Variants in CFAP92 observed in about 807,000 individuals in gnomAD.
The protein encoded by CFAP92 is uncharacterized protein CFAP92.
CFAP92 carries 86 observed loss-of-function variants against 106.3 expected under a neutral mutation model. That is an observed-to-expected ratio of 0.81 (90% CI 0.68 to 0.97). The LOEUF (loss-of-function observed/expected upper bound fraction) is 0.97, where lower values mean the gene tolerates loss of function less well. Among genes scored for constraint, CFAP92 ranks in the 50% least tolerant of loss-of-function variants. The pLI is 0.00. For synonymous variants in CFAP92, 477 were observed against 506.4 expected (o/e 0.94, Z 0.78); for missense variants, 1,204 against 1,283.8 (o/e 0.94, Z 0.95).
Position 128,923,122 on chromosome 3 carries a change from C to T in CFAP92, c.2752-6851G>A, listed in dbSNP as rs539926235. 4.5e-3 allele frequency among the ~76,000 whole-genome samples: 678 copies of T among 151,996 alleles called. 3 individuals carry two copies. Among genetic ancestry groups the T allele is most frequent in the Non-Finnish European group, 5.4e-3 (366 of 68,012 alleles). On this transcript the variant is annotated intron_variant, in intron 12 of 15. Transcript: ENST00000645291. The stretch of plus-strand genomic sequence containing the variant: ...GCTTCTGTTTCGCTAGATTTACTAA[C>T]GTGGGGTTGAGGGTATGCTTGTGTT...
At position 128,945,590 on chromosome 3, in the gene CFAP92, A is replaced by C. The variant is rs1248653672; in HGVS notation, c.1739T>G (p.Leu580Trp). The C allele has an allele frequency of 3.3e-6, 5 of 1,536,062 alleles. No homozygotes were observed. Among genetic ancestry groups the C allele is most frequent in the Non-Finnish European group, 4.4e-6 (5 of 1,146,908 alleles). The change falls in exon 10 of 16, where the codon TTG (leucine) becomes TGG (tryptophan). Residue 580 changes from leucine (L) to tryptophan (W), a missense_variant. By Grantham distance (61) the Leu-to-Trp change is moderately conservative. Coordinates refer to ENST00000645291, the MANE Select transcript of CFAP92 (RefSeq NM_001394090.1). ...FADLLLGHKYLNLAVPIHSCE... is the reference protein window; with the variant it reads ...FADLLLGHKYWNLAVPIHSCE... ...GCTGTGGATGGGGACGGCCAGATTC[A>C]AGTACTTGTGGCCAAGGAGGAGGTC...
intron 2 of CFAP92, among the ~76,000 whole-genome samples, chr3:128,992,580 T>TTA (rs1398347283): frequency 6.9e-5 from 10 of 144,756 alleles, no homozygotes; most frequent in African/African-American, 2.6e-4. Flanking sequence ...AGAATTATTA[T>TTA]TTTTTTTTTT....
At position 128,988,863 on chromosome 3, in the gene CFAP92, T is replaced by A. The variant is rs767202198; in HGVS notation, c.318A>T (p.Thr106=). ...LIEKYKKHPK[T]DSSVTKMRRF... is the part of the protein sequence containing the mutation. ...GACGCATCTTTGTAACAGAACTGTCTGTTTTAGGGTGTTTCTTATATTTTT... is the reference window on the plus strand; with the variant it reads ...GACGCATCTTTGTAACAGAACTGTCAGTTTTAGGGTGTTTCTTATATTTTT... Residue 106 remains threonine, a synonymous_variant, in exon 3 of 16, where the codon ACA becomes ACT. Transcript: ENST00000645291. 6.2e-7 allele frequency: 1 copy of A among 1,613,866 alleles called. No individual in the cohort carries two copies. The highest frequency in any genetic ancestry group is 2.2e-5 in the East Asian group (1 of 44,882).
At position 128,915,443 on chromosome 3, in the gene CFAP92, T is replaced by C; in HGVS notation, c.3037A>G (p.Arg1013Gly). 1 of 1,536,186 alleles carries C rather than the reference T, an allele frequency of 6.5e-7. No homozygotes were observed. Among genetic ancestry groups the C allele is most frequent in the Non-Finnish European group, 8.7e-7 (1 of 1,146,918 alleles). ...TGAAGACCTGTCACTTGGAATCCCC[T>C]GGCTGTGAGCCAGGCCTGGCGGGAT... ...KKSRQAWLTA[R>G]GFQVTGLQSD... The change falls in exon 14 of 16, where the codon AGG (arginine) becomes GGG (glycine). Residue 1013 changes from arginine (R) to glycine (G), a missense_variant. Coordinates refer to ENST00000645291, the MANE Select transcript of CFAP92 (RefSeq NM_001394090.1).
intron 12 of CFAP92, among the ~76,000 whole-genome samples, chr3:128,920,827 G>T (rs1308574732): frequency 1.3e-5 from 2 of 152,212 alleles, no homozygotes; most frequent in Non-Finnish European, 2.9e-5. Flanking sequence ...TCTGGAATGT[G>T]TCTCGACTTG....
chr3:128,948,133 A>C (rs892075355), intron 9 of CFAP92, among the ~76,000 whole-genome samples: 1 of 152,128 alleles, frequency 6.6e-6, no homozygotes, highest in Non-Finnish European at 1.5e-5. Context: ...AAATATTAGC[A>C]AATAATATAT....
chr3:128,998,178 T>C (rs568351438), upstream of CFAP92, among the ~76,000 whole-genome samples: 3 of 152,356 alleles, frequency 2.0e-5, no homozygotes, highest in Non-Finnish European at 2.9e-5. Flanking sequence ...TAAGAGTTCA[T>C]TGTAAATTCG....
chr3:129,022,830 C>T, the CFAP92 span, among the ~76,000 whole-genome samples: 3 of 152,202 alleles, frequency 2.0e-5, no homozygotes, highest in Non-Finnish European at 4.4e-5. Context: ...CCCAGAAGTG[C>T]GGCAGGCAGG....
rs779933580 is a variant in CFAP92 at position 128,945,192 on chromosome 3, C to T, written c.2137G>A (p.Glu713Lys). ...GTGAGCACATCCAGGTGCTGCTGCT[C>T]CTGGACCCGCACACGCACCTTGAAG... ...SAFKVRVRVQ[E>K]QQHLDVLTGF... is the part of the protein sequence containing the mutation. Residue 713 changes from glutamate to lysine, a missense_variant, in exon 10 of 16, where the codon GAG (glutamate) becomes AAG (lysine). Glu to Lys is a moderately conservative substitution (Grantham distance 56, BLOSUM62 1). Transcript: ENST00000645291. 4.6e-6 allele frequency: 7 copies of T among 1,536,212 alleles called. No individual in the cohort carries two copies. The South Asian group carries it at 5.9e-5, about 13-fold the overall frequency.
chr3:128,939,502 A>G (rs950150023), intron 10 of CFAP92, among the ~76,000 whole-genome samples: 1 of 152,170 alleles, frequency 6.6e-6, no homozygotes, highest in Admixed American at 6.5e-5. Flanking sequence ...GTAAAGTATA[A>G]TTCAATAGTT....
At chr3:128,925,977 TACTC>T (rs1356589006) in intron 12 of CFAP92, among the ~76,000 whole-genome samples, 4 of 152,160 alleles carry the variant, frequency 2.6e-5, no homozygotes, top group African/African-American at 4.8e-5. Flanking sequence ...AATTAACTGA[TACTC>T]ACAAACACTT....
At position 128,945,503 on chromosome 3, in the gene CFAP92, C is replaced by A. The variant is rs1465043672; in HGVS notation, c.1826G>T (p.Gly609Val). The A allele has an allele frequency of 9.1e-6, 14 of 1,535,980 alleles. No individual in the cohort carries two copies. The highest frequency in any genetic ancestry group is 1.1e-5 in the Non-Finnish European group (13 of 1,146,922). ...DSRRRKVVGL[G>V]VPRDGHQHGP... ...GTGCTGGTGGCCATCTCTGGGGACC[C>A]CAAGCCCCACAACCTTCCTTCTCCT... is the stretch of plus-strand genomic sequence containing the variant. Residue 609 changes from glycine to valine, a missense_variant, in exon 10 of 16, where the codon GGG becomes GTG. Gly to Val is a moderately radical substitution (Grantham distance 109). Coordinates refer to ENST00000645291, the MANE Select transcript of CFAP92 (RefSeq NM_001394090.1).
At chr3:129,021,978 T>C in the CFAP92 span, among the ~76,000 whole-genome samples, 1 of 152,126 alleles carries the variant, frequency 6.6e-6, no homozygotes, top group African/African-American at 2.4e-5. Context: ...GGCGTCAGTG[T>C]GTTAGGGTTG....
At chr3:129,000,742 C>T (rs1191382023) in intron 1 of CFAP92, among the ~76,000 whole-genome samples, 2 of 152,218 alleles carry the variant, frequency 1.3e-5, no homozygotes, top group Non-Finnish European at 2.9e-5. Flanking sequence ...AGATGGAACT[C>T]GGATCCCATT....
chr3:128,962,039 A>G lies in CFAP92; in HGVS notation c.1353+3472T>C, dbSNP rs546539581. ...ATGCCCGCAGCCCAGGATTCCTCCTAAGCCGTGTCCCATCTGTGCGGGACC... is the reference window on the plus strand; with the variant it reads ...ATGCCCGCAGCCCAGGATTCCTCCTGAGCCGTGTCCCATCTGTGCGGGACC... On this transcript the variant is annotated intron_variant, in intron 9 of 15. Transcript: ENST00000645291. Among the ~76,000 whole-genome samples, 193 of 152,274 alleles carry G rather than the reference A, an allele frequency of 1.3e-3. 1 individual carries two copies. Among genetic ancestry groups the G allele is most frequent in the African/African-American group, 4.6e-3 (192 of 41,560 alleles).
intron 12 of CFAP92, among the ~76,000 whole-genome samples, chr3:128,932,397 A>ACACACACACACACACACACACACG (rs1559864869): frequency 3.6e-5 from 4 of 111,802 alleles, no homozygotes; most frequent in African/African-American, 1.4e-4. Flanking sequence ...ACACACACAC[A>ACACACACACACACACACACACACG]TGCCACAGTT....
At chr3:128,956,994 A>AAAAAGG (rs377096690) in intron 9 of CFAP92, among the ~76,000 whole-genome samples, 1 of 129,060 alleles carries the variant, frequency 7.7e-6, no homozygotes, top group African/African-American at 2.8e-5. Context: ...AAAAAAAAAA[A>AAAAAGG]AAAGAAATCA....
the CFAP92 span, among the ~76,000 whole-genome samples, chr3:129,009,686 T>G: frequency 6.6e-6 from 1 of 152,200 alleles, no homozygotes; most frequent in Non-Finnish European, 1.5e-5. Context: ...AACACACCCC[T>G]TTGCCCCTCT....
intron 12 of CFAP92, among the ~76,000 whole-genome samples, chr3:128,927,104 A>G (rs73210617): frequency 0.041 from 6,284 of 152,122 alleles, 170 homozygotes; most frequent in Non-Finnish European, 0.058. Flanking sequence ...AAAGAAAAAA[A>G]AGAGAGAGAT....
Sources: gnomAD v4.1 joint callset for allele counts (sites outside exome capture counted in the v4.1 genomes callset) on GRCh38, gnomAD v4.1.1 for gene constraint, MANE v1.5 for transcripts, NCBI Gene and HGNC (gene_info 2026-07-23, HGNC 2026-07-21) for gene names.